The following CXADR variants were observed in gnomAD, a reference collection of about 807,000 sequenced individuals.
CXADR encodes the protein CXADR cell adhesion molecule.
A neutral mutation model predicts 40.3 loss-of-function variants in CXADR; 20 were observed. That is an observed-to-expected ratio of 0.50 (90% CI 0.35 to 0.72). The LOEUF (loss-of-function observed/expected upper bound fraction) is 0.72, where lower values mean the gene tolerates loss of function less well. Among genes scored for constraint, CXADR ranks in the 30% least tolerant of loss-of-function variants. CXADR has a pLI of 0.01. For missense variants in CXADR, 332 were observed against 449.1 expected (o/e 0.74, Z 2.36); for synonymous variants, 150 against 161.3 (o/e 0.93, Z 0.53).
At chr21:17,628,007 A>G in the CXADR span, among the ~76,000 whole-genome samples, 3 of 152,244 alleles carry the variant, frequency 2.0e-5, no homozygotes, top group Admixed American at 2.0e-4. Context: ...ACACTAATGT[A>G]GAACTCAACT....
At chr21:17,589,582 ATTT>A (rs57696814) in intron 7 of CXADR, among the ~76,000 whole-genome samples, 1 of 149,754 alleles carries the variant, frequency 6.7e-6, no homozygotes, top group Non-Finnish European at 1.5e-5. Context: ...TAGGCATACC[ATTT>A]TTTTTTTTAT....
chr21:17,603,187 T>C, the CXADR span, among the ~76,000 whole-genome samples: 10 of 152,346 alleles, frequency 6.6e-5, 1 homozygote, highest in East Asian at 1.9e-3. Flanking sequence ...AGTAGCTTTT[T>C]GACAGCTATT....
At chr21:17,578,951 TC>T (rs1219323048) in intron 7 of CXADR, among the ~76,000 whole-genome samples, 2 of 151,904 alleles carry the variant, frequency 1.3e-5, no homozygotes, top group Non-Finnish European at 2.9e-5. Context: ...CCTCCCCACA[TC>T]CCCCCTTCAC....
chr21:17,625,796 G>A, the CXADR span, among the ~76,000 whole-genome samples: 7 of 152,212 alleles, frequency 4.6e-5, no homozygotes, highest in South Asian at 8.3e-4. Flanking sequence ...TTCTAGCACC[G>A]GAGATATCAA....
At chr21:17,633,411 T>TA in the CXADR span, among the ~76,000 whole-genome samples, 3 of 152,012 alleles carry the variant, frequency 2.0e-5, no homozygotes, top group Non-Finnish European at 4.4e-5. Flanking sequence ...CAAAAAATAA[T>TA]AGCTGGGTGA....
chr21:17,583,442 A>G (rs575007571), intron 7 of CXADR, among the ~76,000 whole-genome samples: 14 of 152,366 alleles, frequency 9.2e-5, no homozygotes, highest in African/African-American at 3.4e-4. Context: ...TAGGAAAGAT[A>G]TACCAAATTT....
intron 1 of CXADR, chr21:17,518,933 C>A (rs1488844287): frequency 9.5e-6 from 15 of 1,584,052 alleles, no homozygotes; most frequent in Non-Finnish European, 1.3e-5. Context: ...TTTCTGCGAG[C>A]TGTACCCTTG....
intron 7 of CXADR, among the ~76,000 whole-genome samples, chr21:17,579,978 A>C (rs1032891860): frequency 6.6e-6 from 1 of 152,036 alleles, no homozygotes; most frequent in African/African-American, 2.4e-5. Flanking sequence ...GTGATGGACT[A>C]CTTTATTTAT....
chr21:17,632,197 C>T, the CXADR span, among the ~76,000 whole-genome samples: 1 of 152,282 alleles, frequency 6.6e-6, no homozygotes, highest in Non-Finnish European at 1.5e-5. Context: ...TTTCCAGTTT[C>T]AGTACCACAT....
downstream of CXADR, chr21:17,570,137 TAC>T (rs978198117): frequency 4.1e-6 from 4 of 985,284 alleles, no homozygotes; most frequent in Non-Finnish European, 4.8e-6. Flanking sequence ...GTGCCTTTTA[TAC>T]AGTGTCCACT....
chr21:17,537,092 T>G (rs552978379), intron 1 of CXADR, among the ~76,000 whole-genome samples: 6 of 152,348 alleles, frequency 3.9e-5, no homozygotes, highest in African/African-American at 1.4e-4. Context: ...AGAGGTGCTC[T>G]CTGGGGACAA....
intron 3 of CXADR, among the ~76,000 whole-genome samples, chr21:17,554,535 G>A (rs1305924042): frequency 6.6e-6 from 1 of 152,210 alleles, no homozygotes; most frequent in Non-Finnish European, 1.5e-5. Context: ...AAGCAGGGAA[G>A]TGATTGCCGA....
chr21:17,596,466 T>C (rs2061505169), downstream of CXADR, among the ~76,000 whole-genome samples: 1 of 152,076 alleles, frequency 6.6e-6, no homozygotes, highest in African/African-American at 2.4e-5. Flanking sequence ...TATTTTTGTG[T>C]ATGGTGTCAG....
intron 3 of CXADR, among the ~76,000 whole-genome samples, chr21:17,554,858 G>T (rs955169065): frequency 6.6e-6 from 1 of 152,132 alleles, no homozygotes; most frequent in South Asian, 2.1e-4. Flanking sequence ...TGGTTCTTTT[G>T]TGGGAAATCT....
chr21:17,604,043 T>G, the CXADR span: 5 of 985,196 alleles, frequency 5.1e-6, no homozygotes, highest in African/African-American at 1.8e-5. Context: ...TCAAAAAGAT[T>G]TCATACCTAG....
the CXADR span, chr21:17,614,008 G>A: frequency 6.6e-6 from 1 of 151,766 alleles, no homozygotes; most frequent in Non-Finnish European, 1.5e-5. Flanking sequence ...TTGTATTACT[G>A]ATCTTTGTTA....
chr21:17,572,695 CACTA>C (rs978866609), downstream of CXADR, among the ~76,000 whole-genome samples: 16 of 151,900 alleles, frequency 1.1e-4, no homozygotes, highest in East Asian at 1.9e-3. Flanking sequence ...CATGCTGAGG[CACTA>C]ACTAACGTTG....
At chr21:17,614,570 C>G in the CXADR span, among the ~76,000 whole-genome samples, 2 of 152,000 alleles carry the variant, frequency 1.3e-5, no homozygotes, top group Non-Finnish European at 1.5e-5. Flanking sequence ...TCATGAAACC[C>G]AATCTCTACA....
chr21:17,564,251 G>T (rs2061170260), intron 6 of CXADR, among the ~76,000 whole-genome samples: 1 of 151,306 alleles, frequency 6.6e-6, no homozygotes, highest in East Asian at 1.9e-4. Flanking sequence ...CCAGCACTTT[G>T]GGAGGCGGAG....
Sources: allele counts gnomAD v4.1 joint callset (sites outside exome capture counted in the v4.1 genomes callset), GRCh38; gene constraint gnomAD v4.1.1; transcripts MANE v1.5; gene names NCBI Gene and HGNC (gene_info 2026-07-23, HGNC 2026-07-21).